CHD5: variants seen among roughly 807,000 people sequenced by gnomAD.
CHD5 encodes the protein chromodomain helicase DNA binding protein 5.
Under a neutral mutation model 230.3 loss-of-function variants are expected in CHD5, and 69 were observed. The ratio of observed to expected loss-of-function variants is 0.30; its 90% CI spans 0.25 to 0.37. CHD5 has a LOEUF of 0.37. CHD5 is among the 10% of genes least tolerant of loss of function. The probability of loss-of-function intolerance (pLI) is 1.00; values close to 1 mark genes in which losing one functional copy is unlikely to be tolerated. For missense variants in CHD5, 1,827 were observed against 2,622.8 expected, an observed-to-expected ratio of 0.70 and a Z score of 6.63; for synonymous variants, 1,064 against 1,065.9, an observed-to-expected ratio of 1.00 and a Z score of 0.03.
Position 6,131,849 on chromosome 1 carries a change from G to C in CHD5, c.3145-101C>G. On this transcript the variant is annotated intron_variant, in intron 20 of 41. Transcript: ENST00000262450. This position sits in a 1 kb window ranked among gnomAD's most constrained non-coding sequence, Gnocchi z 5.0. ...CAGGCAGGGGAGGAGAGAGCTGCCTGCTAGGTGGGGAGACAGCTGGGACCC... is the reference window on the plus strand; with the variant it reads ...CAGGCAGGGGAGGAGAGAGCTGCCTCCTAGGTGGGGAGACAGCTGGGACCC... The C allele has an allele frequency of 1.4e-6, 1 of 699,718 alleles. No homozygotes were observed. Among genetic ancestry groups the C allele is most frequent in the Non-Finnish European group, 2.6e-6 (1 of 389,990 alleles). The allele number at this position is 699,718 out of a possible 1,614,324, so 43.3% of individuals were successfully genotyped here.
intron 31 of CHD5, among the ~76,000 whole-genome samples, chr1:6,122,406 C>T (rs776486966): frequency 6.6e-6 from 1 of 152,178 alleles, no homozygotes; most frequent in East Asian, 1.9e-4. Flanking sequence ...GCGTCCTTGG[C>T]ATCAGGGAAA....
intron 15 of CHD5, among the ~76,000 whole-genome samples, chr1:6,139,381 C>T (rs1279104380): frequency 6.6e-6 from 1 of 151,746 alleles, no homozygotes; most frequent in African/African-American, 2.4e-5. Flanking sequence ...GGATTACAGG[C>T]ACCCACCACC....
rs1667068524 is a variant in CHD5, at chr1:6,155,617, G to A, written c.488C>T (p.Ala163Val). The part of the protein sequence containing the change: ...EDYHTLTNYK[A>V]FSQFLRPLIA... ...CGCCCACCTGAGGAACTGGCTGAAG[G>A]CCTTGTAGTTGGTCAGCGTGTGGTA... Residue 163 changes from alanine (A) to valine (V), a missense_variant, in exon 4 of 42, where the codon GCC becomes GTC. Ala to Val is a moderately conservative substitution (Grantham distance 64). Transcript: ENST00000262450. This position sits in a 1 kb window ranked among gnomAD's most constrained non-coding sequence, Gnocchi z 4.0. 1 of 1,613,884 alleles carries A rather than the reference G, an allele frequency of 6.2e-7. No individual in the cohort carries two copies. Among genetic ancestry groups the A allele is most frequent in the African/African-American group, 1.3e-5 (1 of 75,038 alleles).
In CHD5 at chr1:6,146,733, C is replaced by T. The variant is rs765645870; in HGVS notation, c.1522G>A (p.Glu508Lys). ...PPPKPLEGIP[E>K]REFFVKWAGL... ...GCCCACTTGACAAAGAACTCTCTCT[C>T]AGGGATGCCCTCCAGGGGCTTAGGT... The change falls in exon 10 of 42, where the codon GAG becomes AAG. Residue 508 changes from glutamate (E) to lysine (K), a missense_variant. Glu to Lys is a moderately conservative substitution (Grantham distance 56). Coordinates refer to ENST00000262450, the MANE Select transcript of CHD5 (RefSeq NM_015557.3). This position sits in a 1 kb window ranked among gnomAD's most constrained non-coding sequence, Gnocchi z 5.1. The T allele has an allele frequency of 6.2e-7, 1 of 1,613,188 alleles. No individual in the cohort carries two copies. Among genetic ancestry groups the T allele is most frequent in the South Asian group, 1.1e-5 (1 of 90,930 alleles).
In CHD5 at chr1:6,106,844, A is replaced by G. The variant is rs1372167128; in HGVS notation, c.5579-65T>C. ...GAGGGGTGGAGGGATGGAGGAGTGG[A>G]AGGATGGAGGGATGGAGGGGTGGAG... On this transcript the variant is annotated intron_variant, in intron 38 of 41. Coordinates refer to ENST00000262450, the MANE Select transcript of CHD5 (RefSeq NM_015557.3). The G allele has an allele frequency of 1.5e-5, 14 of 953,008 alleles. No homozygotes were observed. In the East Asian group the frequency reaches 3.8e-4, roughly 26 times the overall value. The allele number at this position is 953,008 out of a possible 1,614,324, so 59.0% of individuals were successfully genotyped here. A position where few individuals can be genotyped will look rare whatever the true frequency, so the allele number is the denominator to read the frequency against.
At chr1:6,150,940 G>A (rs781417377) in intron 7 of CHD5, 92 bp downstream of exon 7, 45 of 1,348,762 alleles carry the variant, frequency 3.3e-5, no homozygotes, top group Middle Eastern at 2.0e-4. Flanking sequence ...ACATCCACCC[G>A]GCAGGCCGAG....
Position 6,128,684 on chromosome 1 carries a change from AC to A in CHD5, c.3620-76del. 7.4e-7 allele frequency: 1 copy of A among 1,352,246 alleles called. No homozygotes were observed. The highest frequency in any genetic ancestry group is 1.1e-6 in the Non-Finnish European group (1 of 952,362). The allele number at this position is 1,352,246 out of a possible 1,614,324, so 83.8% of individuals were successfully genotyped here. ...GGGTTGGCGGGCAGTGCCCAGAGAC[AC>A]CACCCTGGGCTGTCCTAGCCAGGAG... On this transcript the variant is annotated intron_variant, in intron 23 of 41. Coordinates refer to ENST00000262450, the MANE Select transcript of CHD5 (RefSeq NM_015557.3). The surrounding 1 kb of genome is among the most constrained non-coding windows in gnomAD (Gnocchi z 7.8).
In CHD5 at chr1:6,136,816, A is replaced by G; in HGVS notation, c.2486T>C (p.Ile829Thr). Residue 829 changes from isoleucine (I) to threonine (T), a missense_variant, in exon 16 of 42, where the codon ATC becomes ACC. Ile to Thr is a moderately conservative substitution (Grantham distance 89). Coordinates refer to ENST00000262450, the MANE Select transcript of CHD5 (RefSeq NM_015557.3). Reference sequence around the variant, plus strand: ...GCCCAGGATGGCCTGGTCAATGGTGATGAGCTCATAGGAGGTGAGCAGCAC... The same window carrying G: ...GCCCAGGATGGCCTGGTCAATGGTGGTGAGCTCATAGGAGGTGAGCAGCAC... ...FHVLLTSYEL[I>T]TIDQAILGSI... is the part of the protein sequence containing the mutation. 6.2e-7 allele frequency: 1 copy of G among 1,613,818 alleles called. No homozygotes were observed. The highest frequency in any genetic ancestry group is 8.5e-7 in the Non-Finnish European group (1 of 1,179,792).
chr1:6,147,361 C>T (rs1666927810), intron 9 of CHD5, among the ~76,000 whole-genome samples: 2 of 152,212 alleles, frequency 1.3e-5, no homozygotes, highest in Non-Finnish European at 2.9e-5. Context: ...CATCCACCAT[C>T]CCTCACCCGG....
At chr1:6,174,513 GTGGATGGATGGA>G (rs113035924) in intron 1 of CHD5, among the ~76,000 whole-genome samples, 7 of 148,788 alleles carry the variant, frequency 4.7e-5, no homozygotes, top group African/African-American at 1.5e-4. Flanking sequence ...TGGATGGTGG[GTGGATGGATGGA>G]TGGATGGATG....
intron 31 of CHD5, among the ~76,000 whole-genome samples, chr1:6,122,526 C>A (rs1216083820): frequency 6.6e-6 from 1 of 152,090 alleles, no homozygotes; most frequent in Non-Finnish European, 1.5e-5. Flanking sequence ...GACTCCCGCA[C>A]AATACTAGCA....
In CHD5 at chr1:6,128,199, C is replaced by T. The variant is rs1023765688; in HGVS notation, c.3750G>A (p.Glu1250=). 6.2e-7 allele frequency: 1 copy of T among 1,614,118 alleles called. No homozygotes were observed. Among genetic ancestry groups the T allele is most frequent in the Non-Finnish European group, 8.5e-7 (1 of 1,180,000 alleles). ...STPPGDNKDV[E]DSSVIHYDDA... Reference sequence around the variant, plus strand: ...CGTCATAGTGGATCACACTGCTGTCCTCCACGTCCTTGTTGTCACCTGGGG... The same window carrying T: ...CGTCATAGTGGATCACACTGCTGTCTTCCACGTCCTTGTTGTCACCTGGGG... Residue 1250 remains glutamate, a synonymous_variant, in exon 25 of 42, where the codon GAG becomes GAA. Coordinates refer to ENST00000262450, the MANE Select transcript of CHD5 (RefSeq NM_015557.3). The surrounding 1 kb of genome is among the most constrained non-coding windows in gnomAD (Gnocchi z 7.8).
At position 6,109,910 on chromosome 1, in the gene CHD5, G is replaced by T. The variant is rs149601798; in HGVS notation, c.5463C>A (p.Pro1821=). The T allele has an allele frequency of 1.9e-6, 3 of 1,610,134 alleles. No homozygotes were observed. The highest frequency in any genetic ancestry group is 4.5e-5 in the East Asian group (2 of 44,846). The change falls in exon 38 of 42, where the codon CCC becomes CCA. Residue 1821 remains proline, a synonymous_variant. Transcript: ENST00000262450. ...CCAGGCGGGCGTTGAGGGCCATGGC[G>T]GGGTGGTTGGGGTCCTGCGTCATGT... The part of the protein sequence containing the change: ...YLNMTQDPNH[P]AMALNARLAE...
chr1:6,124,679 G>T lies in CHD5; in HGVS notation c.4395-18C>A, dbSNP rs1410463495. On this transcript the variant is annotated intron_variant, in intron 29 of 41. Transcript: ENST00000262450. ...CATAGGCTCTGGGGTGGGGGGGGGG[G>T]ACTGGGGCTCAGGGAGTGGGGGGCC... is the stretch of plus-strand genomic sequence containing the variant. 7.2e-6 allele frequency: 4 copies of T among 556,116 alleles called. No individual in the cohort carries two copies. The highest frequency in any genetic ancestry group is 1.0e-5 in the Non-Finnish European group (3 of 300,630). 34.4% of individuals were successfully genotyped at this position (556,116 alleles called of 1,614,324 possible).
chr1:6,161,382 T>C (rs551689089), intron 2 of CHD5, among the ~76,000 whole-genome samples: 3 of 152,156 alleles, frequency 2.0e-5, no homozygotes. Flanking sequence ...GAAGCACCCC[T>C]TCCAACAGGC....
chr1:6,110,050 C>A, intron 37 of CHD5, 60 bp from the exon 38 acceptor site: 2 of 1,365,252 alleles, frequency 1.5e-6, no homozygotes, highest in Non-Finnish European at 1.9e-6. Flanking sequence ...CCTCCGTGCT[C>A]CACCAGCGCC....
At chr1:6,114,290 C>T (rs1205985518) in intron 33 of CHD5, among the ~76,000 whole-genome samples, 1 of 151,624 alleles carries the variant, frequency 6.6e-6, no homozygotes, top group Non-Finnish European at 1.5e-5. Context: ...TGAGGATGCA[C>T]CCAATCTAAA....
At chr1:6,120,098 T>G (rs1571143495) in intron 33 of CHD5, among the ~76,000 whole-genome samples, 1 of 151,998 alleles carries the variant, frequency 6.6e-6, no homozygotes, top group Non-Finnish European at 1.5e-5. Context: ...TGACCTCAGG[T>G]AATTCACCTG....
intron 1 of CHD5, among the ~76,000 whole-genome samples, chr1:6,177,531 C>A (rs1192525592): frequency 6.6e-6 from 1 of 152,196 alleles, no homozygotes; most frequent in East Asian, 1.9e-4. Flanking sequence ...TGTGGTGACA[C>A]AAGCATGTAG....
Sources: allele counts gnomAD v4.1 joint callset (sites outside exome capture counted in the v4.1 genomes callset), GRCh38; gene constraint gnomAD v4.1.1; non-coding constraint Gnocchi (gnomAD v3.1); transcripts MANE v1.5; gene names NCBI Gene and HGNC (gene_info 2026-07-23, HGNC 2026-07-21).